PDPR: variants seen among roughly 807,000 people sequenced by gnomAD.
PDPR encodes pyruvate dehydrogenase phosphatase regulatory subunit.
PDPR carries 50 observed loss-of-function variants against 102.2 expected under a neutral mutation model. The ratio of observed to expected loss-of-function variants is 0.49; its 90% CI spans 0.39 to 0.62. The LOEUF is 0.62. PDPR is among the 20% of genes least tolerant of loss of function. PDPR has a pLI of 0.00. For missense variants in PDPR, 625 were observed against 1,098.2 expected (o/e 0.57, Z 6.09); for synonymous variants, 259 against 406.0 (o/e 0.64, Z 4.35).
chr16:70,124,435 T>C (rs530020470), intron 3 of PDPR, among the ~76,000 whole-genome samples: 6 of 152,402 alleles, frequency 3.9e-5, no homozygotes, highest in African/African-American at 1.4e-4. Context: ...TGTATAATTA[T>C]TCCTCTTGTC....
intron 18 of PDPR, among the ~76,000 whole-genome samples, chr16:70,155,802 CTT>C (rs60054362): frequency 9.3e-5 from 13 of 139,628 alleles, no homozygotes; most frequent in Admixed American, 2.9e-4. Flanking sequence ...ATAAAAAAGT[CTT>C]TTTTTTTTTT....
chr16:70,124,074 A>G lies in PDPR; in HGVS notation c.228-3186A>G, dbSNP rs201763498. On this transcript the variant is annotated intron_variant, in intron 3 of 18. Transcript: ENST00000288050. ...AGTCTCAAAAAAAAAAAAAAAAATT[A>G]TGCCTCGGCCAAGTGCAGTGGCTCA... Among the ~76,000 whole-genome samples, 80 of 130,348 alleles carry G rather than the reference A, an allele frequency of 6.1e-4. No individual in the cohort carries two copies. The East Asian group carries it at 0.017, about 28-fold the overall frequency. The allele number at this position is 130,348 out of a possible 152,430, so 85.5% of individuals were successfully genotyped here.
intron 8 of PDPR, chr16:70,131,662 C>G (rs1343261594): frequency 2.0e-6 from 2 of 983,694 alleles, no homozygotes; most frequent in Non-Finnish European, 2.4e-6. Flanking sequence ...TAGTCCTAAA[C>G]AGAGGTCATT....
At chr16:70,123,346 C>G (rs182357264) in intron 3 of PDPR, among the ~76,000 whole-genome samples, 72 of 152,358 alleles carry the variant, frequency 4.7e-4, no homozygotes, top group Admixed American at 4.5e-3. Flanking sequence ...AAGTGATCCT[C>G]CCACCACAGC....
chr16:70,129,730 TA>T (rs1694187352), intron 6 of PDPR, among the ~76,000 whole-genome samples: 1 of 152,266 alleles, frequency 6.6e-6, no homozygotes, highest in Non-Finnish European at 1.5e-5. Context: ...CTTGGAAGTT[TA>T]ATCCACACCT....
At chr16:70,116,664 A>G (rs1372092418) in intron 2 of PDPR, among the ~76,000 whole-genome samples, 1 of 151,088 alleles carries the variant, frequency 6.6e-6, no homozygotes, top group Non-Finnish European at 1.5e-5. Context: ...TGGCCGCACC[A>G]TGAGTACCTG....
intron 3 of PDPR, 49 bp downstream of exon 3, chr16:70,120,768 T>C (rs576522060): frequency 8.4e-7 from 1 of 1,196,962 alleles, no homozygotes; most frequent in African/African-American, 1.5e-5. Context: ...ACTAATCGTA[T>C]AAGATTCCCT....
rs1488641354 is a variant in PDPR, at chr16:70,120,592, G to T, written c.100G>T (p.Ala34Ser). 1 of 1,613,994 alleles carries T rather than the reference G, an allele frequency of 6.2e-7. No individual in the cohort carries two copies. Among genetic ancestry groups the T allele is most frequent in the Non-Finnish European group, 8.5e-7 (1 of 1,179,866 alleles). ...AAGAAACAGCACGTCAGCTGCCGAG[G>T]CGCGTTCCATGGCCCTGCCCACCCA... The part of the protein sequence containing the change: ...SARNSTSAAE[A>S]RSMALPTQAQ... The change falls in exon 3 of 19, where the codon GCG becomes TCG. Residue 34 changes from alanine to serine, a missense_variant. Coordinates refer to ENST00000288050, the MANE Select transcript of PDPR (RefSeq NM_017990.5).
intron 17 of PDPR, 54 bp downstream of exon 17, chr16:70,148,607 C>G: frequency 6.7e-7 from 1 of 1,499,420 alleles, no homozygotes; most frequent in East Asian, 2.4e-5. Context: ...CTTCCCTTCC[C>G]TTCCCTTCCC....
intron 3 of PDPR, among the ~76,000 whole-genome samples, chr16:70,122,678 C>G (rs1294612680): frequency 6.6e-6 from 1 of 152,274 alleles, no homozygotes; most frequent in Admixed American, 6.5e-5. Context: ...AGACCTCCAC[C>G]TACCGGGCTT....
chr16:70,133,387 G>T (rs1368969216), intron 9 of PDPR, among the ~76,000 whole-genome samples: 2 of 150,054 alleles, frequency 1.3e-5, no homozygotes, highest in African/African-American at 2.5e-5. Context: ...CTCCCAAAGT[G>T]CTGGGATTAC....
At chr16:70,162,575 A>C (rs1226643095), downstream of PDPR, 1 of 152,512 alleles carries the variant, frequency 6.6e-6, no homozygotes, top group African/African-American at 2.4e-5. Flanking sequence ...GTAGTGACTT[A>C]AATGTGTTTG....
In PDPR at chr16:70,114,426, G is replaced by C. The variant is rs1962418061; in HGVS notation, c.-157G>C. On this transcript the variant is annotated 5_prime_UTR_variant, in exon 1 of 19. Transcript: ENST00000288050. Reference sequence around the variant, plus strand: ...CGGGCTGTAGCTGAGCGCGGAGCCCGTGGGGACCGGTGAGGTAAGGAGATA... The same window carrying C: ...CGGGCTGTAGCTGAGCGCGGAGCCCCTGGGGACCGGTGAGGTAAGGAGATA... The C allele has an allele frequency of 6.6e-6, 1 of 152,178 alleles. No homozygotes were observed. The highest frequency in any genetic ancestry group is 1.5e-5 in the Non-Finnish European group (1 of 68,032). The allele number at this position is 152,178 out of a possible 1,614,324, so 9.4% of individuals were successfully genotyped here.
chr16:70,159,710 C>G lies in PDPR; in HGVS notation c.*2831C>G, dbSNP rs1399139598. On this transcript the variant is annotated 3_prime_UTR_variant, in exon 19 of 19. Transcript: ENST00000288050. Reference sequence around the variant, plus strand: ...AGAGGGCAGCATAACTTCCTGACCACCGGTGTCAGATATCAGAGCATTCTG... The same window carrying G: ...AGAGGGCAGCATAACTTCCTGACCAGCGGTGTCAGATATCAGAGCATTCTG... The G allele has an allele frequency of 6.5e-6, 1 of 152,884 alleles. No homozygotes were observed. Among genetic ancestry groups the G allele is most frequent in the Admixed American group, 6.5e-5 (1 of 15,290 alleles). The allele number at this position is 152,884 out of a possible 1,614,324, so 9.5% of individuals were successfully genotyped here.
chr16:70,134,647 G>T (rs1964911869), intron 9 of PDPR, among the ~76,000 whole-genome samples: 1 of 151,894 alleles, frequency 6.6e-6, no homozygotes, highest in South Asian at 2.1e-4. Context: ...TTAGCTGGAT[G>T]TGGTGGCGCA....
At position 70,157,319 on chromosome 16, in the gene PDPR, C is replaced by G; in HGVS notation, c.*440C>G. On this transcript the variant is annotated 3_prime_UTR_variant, in exon 19 of 19. Transcript: ENST00000288050. ...AGCCTATTAGTTCTGGTGGGGTTGC[C>G]GTGTGTCGGATGCAGCCCTGAGGGG... The G allele has an allele frequency of 2.5e-6, 1 of 405,612 alleles. No homozygotes were observed. The highest frequency in any genetic ancestry group is 4.9e-6 in the Non-Finnish European group (1 of 205,868). 25.1% of individuals were successfully genotyped at this position (405,612 alleles called of 1,614,324 possible). A position where few individuals can be genotyped will look rare whatever the true frequency, so the allele number is the denominator to read the frequency against.
intron 4 of PDPR, 134 bp downstream of exon 4, chr16:70,127,527 C>G (rs2549533): frequency 6.8e-7 from 1 of 1,466,716 alleles, no homozygotes; most frequent in Non-Finnish European, 9.1e-7. Context: ...TGGTGGCTCA[C>G]GCCTGTAATC....
chr16:70,146,003 TA>T, intron 15 of PDPR, 130 bp from the exon 16 acceptor site: 1 of 901,046 alleles, frequency 1.1e-6, no homozygotes, highest in Non-Finnish European at 1.7e-6. Flanking sequence ...TTGGAGTGTC[TA>T]AGCAAAGGGA....
rs572891004 is a variant in PDPR, at chr16:70,119,106, T to G, written c.-32-1355T>G. On this transcript the variant is annotated intron_variant, in intron 2 of 18. Coordinates refer to ENST00000288050, the MANE Select transcript of PDPR (RefSeq NM_017990.5). ...CTGCATGGACAGCCAGTAGGTGCTT[T>G]CTTCTTCAGTTTCTTGAAACTTGAA... is the stretch of plus-strand genomic sequence containing the variant. Among the ~76,000 whole-genome samples, 3 of 152,214 alleles carry G rather than the reference T, an allele frequency of 2.0e-5. No homozygotes were observed. In the South Asian group the frequency reaches 6.2e-4, roughly 32 times the overall value.
Sources: gnomAD v4.1 joint callset for allele counts (sites outside exome capture counted in the v4.1 genomes callset) on GRCh38, gnomAD v4.1.1 for gene constraint, MANE v1.5 for transcripts, NCBI Gene and HGNC (gene_info 2026-07-23, HGNC 2026-07-21) for gene names.